CLASP2: variants seen among roughly 807,000 people sequenced by gnomAD.
CLASP2 encodes the protein CLIP-associating protein 2.
CLASP2 carries 47 observed loss-of-function variants against 194.4 expected under a neutral mutation model. The observed-to-expected ratio is 0.24, with a 90% CI of 0.19 to 0.31. The LOEUF (loss-of-function observed/expected upper bound fraction) is 0.31, where lower values mean the gene tolerates loss of function less well. CLASP2 is among the 10% of genes least tolerant of loss of function. The pLI is 1.00. For missense variants in CLASP2, 1,445 were observed against 1,823.6 expected (o/e 0.79, Z 3.78); for synonymous variants, 619 against 633.5 (o/e 0.98, Z 0.34).
At chr3:33,603,683 C>T (rs1304578745) in intron 17 of CLASP2, among the ~76,000 whole-genome samples, 3 of 151,990 alleles carry the variant, frequency 2.0e-5, no homozygotes, top group Non-Finnish European at 4.4e-5. Flanking sequence ...AGTGCAGTGG[C>T]GCGATCTCGA....
chr3:33,676,162 A>C (rs1403783579), intron 6 of CLASP2, among the ~76,000 whole-genome samples: 2 of 151,984 alleles, frequency 1.3e-5, no homozygotes, highest in African/African-American at 4.8e-5. Flanking sequence ...TGGAGGCATC[A>C]TGCTACCTGA....
intron 23 of CLASP2, chr3:33,577,195 C>T: frequency 6.3e-7 from 1 of 1,590,494 alleles, no homozygotes; most frequent in Non-Finnish European, 8.5e-7. Flanking sequence ...ATGTACTCAT[C>T]CTTCACCTGA....
chr3:33,560,092 T>C (rs1274075801), intron 28 of CLASP2, among the ~76,000 whole-genome samples: 2 of 152,156 alleles, frequency 1.3e-5, no homozygotes, highest in African/African-American at 4.8e-5. Flanking sequence ...CACAAGAAAG[T>C]AGAAATATAT....
At chr3:33,649,557 A>G (rs550798849) in intron 7 of CLASP2, among the ~76,000 whole-genome samples, 1 of 152,338 alleles carries the variant, frequency 6.6e-6, no homozygotes, top group Admixed American at 6.5e-5. Flanking sequence ...TACGTAATAA[A>G]AGCAATAAAT....
intron 2 of CLASP2, among the ~76,000 whole-genome samples, chr3:33,690,249 T>C (rs1052601512): frequency 3.9e-5 from 6 of 152,172 alleles, no homozygotes; most frequent in Non-Finnish European, 7.4e-5. Flanking sequence ...AGTCAGTTCA[T>C]AGGGCCAAAG....
intron 28 of CLASP2, among the ~76,000 whole-genome samples, chr3:33,559,695 G>A (rs1285732927): frequency 6.6e-6 from 1 of 152,170 alleles, no homozygotes; most frequent in Non-Finnish European, 1.5e-5. Flanking sequence ...AGGAGTTCGA[G>A]ACCAGCGTGA....
chr3:33,704,003 T>C (rs552935177), intron 1 of CLASP2, among the ~76,000 whole-genome samples: 1 of 152,372 alleles, frequency 6.6e-6, no homozygotes, highest in Non-Finnish European at 1.5e-5. Flanking sequence ...CGCTTCATAC[T>C]GTTGGAGTCA....
chr3:33,657,876 G>A (rs2084572641), intron 7 of CLASP2, among the ~76,000 whole-genome samples: 1 of 151,984 alleles, frequency 6.6e-6, no homozygotes, highest in African/African-American at 2.4e-5. Flanking sequence ...AGCCCCTAGG[G>A]GAATTACTTC....
In CLASP2 at chr3:33,538,776, T is replaced by C; in HGVS notation, c.3558+13A>G. On this transcript the variant is annotated intron_variant, in intron 33 of 38. Transcript: ENST00000682230. ...TAAAATAGTCTGGAAAGTAAGGATA[T>C]TAAAATACTTACTGAATCGCCATCA... 1 of 1,551,000 alleles carries C rather than the reference T, an allele frequency of 6.4e-7. No individual in the cohort carries two copies. The highest frequency in any genetic ancestry group is 8.7e-7 in the Non-Finnish European group (1 of 1,151,182).
chr3:33,512,790 CCA>C (rs1259684760), intron 36 of CLASP2, among the ~76,000 whole-genome samples: 1 of 150,760 alleles, frequency 6.6e-6, no homozygotes, highest in African/African-American at 2.4e-5. Flanking sequence ...GAGATCGAGA[CCA>C]CCCTGGCTAA....
At chr3:33,640,774 C>T (rs542374195) in intron 8 of CLASP2, among the ~76,000 whole-genome samples, 16 of 152,052 alleles carry the variant, frequency 1.1e-4, no homozygotes. Context: ...AGAAAATAAA[C>T]TTGAAGAAGG....
chr3:33,560,733 C>A (rs2061677492), intron 28 of CLASP2, 75 bp downstream of exon 28: 13 of 1,316,462 alleles, frequency 9.9e-6, no homozygotes, highest in Middle Eastern at 2.5e-4. Context: ...ACCCAGAAAT[C>A]TGAACTATTA....
Position 33,560,866 on chromosome 3 carries a change from C to T in CLASP2, c.2872G>A (p.Gly958Ser). Residue 958 changes from glycine to serine, a missense_variant, in exon 28 of 39, where the codon GGT becomes AGT. Physicochemically the swap from Gly to Ser is moderately conservative, Grantham distance 56. Around this residue, in one of 4 missense-constraint regions of CLASP2, gnomAD observed 732 missense variants for 987.9 expected, o/e 0.74. Transcript: ENST00000682230. ...VLLTQLLKKM[G>S]ADLLGSVQAK... ...TGAACAGATCCAAGCAAATCAGCACCCATTTTTTTTAGTAGTTGTGTCAGC... is the reference window on the plus strand; with the variant it reads ...TGAACAGATCCAAGCAAATCAGCACTCATTTTTTTTAGTAGTTGTGTCAGC... 2 of 1,613,844 alleles carry T rather than the reference C, an allele frequency of 1.2e-6. No homozygotes were observed. Among genetic ancestry groups the T allele is most frequent in the Non-Finnish European group, 1.7e-6 (2 of 1,179,848 alleles).
At chr3:33,702,833 ATC>A (rs1185101717) in intron 1 of CLASP2, among the ~76,000 whole-genome samples, 5 of 152,316 alleles carry the variant, frequency 3.3e-5, no homozygotes, top group Admixed American at 2.0e-4. Context: ...CAATCAAATG[ATC>A]TCTCACAAAA....
At chr3:33,597,174 C>G (rs1055729606) in intron 18 of CLASP2, among the ~76,000 whole-genome samples, 1 of 152,182 alleles carries the variant, frequency 6.6e-6, no homozygotes, top group Non-Finnish European at 1.5e-5. Flanking sequence ...TGCTTCCCCA[C>G]CCACATCCTT....
Position 33,683,852 on chromosome 3 carries a change from A to G in CLASP2, c.644+507T>C, listed in dbSNP as rs544068756. 2.6e-5 allele frequency among the ~76,000 whole-genome samples: 4 copies of G among 151,432 alleles called. No individual in the cohort carries two copies. In the South Asian group the frequency reaches 8.4e-4, roughly 32 times the overall value. ...CTACTTGGGAGGCTGAGATAGGGGAATCACTTGAGCCCAGGATGCAGAGGT... is the reference window on the plus strand; with the variant it reads ...CTACTTGGGAGGCTGAGATAGGGGAGTCACTTGAGCCCAGGATGCAGAGGT... On this transcript the variant is annotated intron_variant, in intron 6 of 38. Coordinates refer to ENST00000682230, the MANE Select transcript of CLASP2 (RefSeq NM_001365631.1).
intron 34 of CLASP2, among the ~76,000 whole-genome samples, chr3:33,530,538 G>A (rs2056029578): frequency 3.9e-5 from 6 of 152,188 alleles, no homozygotes; most frequent in Admixed American, 3.9e-4. Flanking sequence ...TAAGTATTAT[G>A]TATTTCACAT....
rs1256883094 is a variant in CLASP2, at chr3:33,498,158, TA to T, written c.*472del. 1 of 152,890 alleles carries T rather than the reference TA, an allele frequency of 6.5e-6. No homozygotes were observed. Among genetic ancestry groups the T allele is most frequent in the South Asian group, 2.1e-4 (1 of 4,838 alleles). The allele number at this position is 152,890 out of a possible 1,614,324, so 9.5% of individuals were successfully genotyped here. Reference sequence around the variant, plus strand: ...TAGTCCTGCTTTGTTTCACATCATTTAAATATTTCTAGCATAGGACATGATA... The same window carrying T: ...TAGTCCTGCTTTGTTTCACATCATTTAATATTTCTAGCATAGGACATGATA... On this transcript the variant is annotated 3_prime_UTR_variant, in exon 39 of 39. Transcript: ENST00000682230.
chr3:33,633,983 C>T (rs2079609207), intron 8 of CLASP2, among the ~76,000 whole-genome samples: 1 of 152,008 alleles, frequency 6.6e-6, no homozygotes, highest in Non-Finnish European at 1.5e-5. Flanking sequence ...AAACAAGAAT[C>T]TTTATAAATT....
Sources: gnomAD v4.1 joint callset for allele counts (sites outside exome capture counted in the v4.1 genomes callset) on GRCh38, gnomAD v4.1.1 for gene constraint, gnomAD v4.1.1 regional missense constraint, MANE v1.5 for transcripts, NCBI Gene and HGNC (gene_info 2026-07-23, HGNC 2026-07-21) for gene names.